CD109: variants seen among roughly 807,000 people sequenced by gnomAD.
CD109 encodes CD109 antigen.
CD109 carries 149 observed loss-of-function variants against 165.8 expected under a neutral mutation model. That is an observed-to-expected ratio of 0.90 (90% CI 0.79 to 1.03). CD109 has a LOEUF of 1.03. Ranked by LOEUF, CD109 falls within the 50% of genes least tolerant of loss-of-function variation. The pLI, the probability that CD109 is intolerant of heterozygous loss-of-function variation, is 0.00. For missense variants in CD109, 1,712 were observed against 1,677.8 expected (o/e 1.02, Z -0.36); for synonymous variants, 585 against 592.1 (o/e 0.99, Z 0.18).
At chr6:73,807,621 T>TA (rs1204239066) in intron 25 of CD109, among the ~76,000 whole-genome samples, 1 of 152,186 alleles carries the variant, frequency 6.6e-6, no homozygotes, top group Non-Finnish European at 1.5e-5. Flanking sequence ...CTTTACTGCT[T>TA]ACTGCCTGCT....
intron 2 of CD109, among the ~76,000 whole-genome samples, chr6:73,709,546 T>C (rs1425929750): frequency 6.6e-6 from 1 of 152,200 alleles, no homozygotes; most frequent in African/African-American, 2.4e-5. Flanking sequence ...AGAAAGTCAT[T>C]GGTAGCTTGA....
rs1562038034 is a variant in CD109, at chr6:73,736,259, G to C, written c.508-124G>C. On this transcript the variant is annotated intron_variant, in intron 4 of 32. Transcript: ENST00000287097. ...CATCCTGCCATCCAGCCATATTTGT[G>C]CCGTATTTTGGAGTAAAGTTCTGGA... The C allele has an allele frequency of 5.5e-6, 5 of 915,132 alleles. No homozygotes were observed. In the East Asian group the frequency reaches 1.1e-4, roughly 20 times the overall value. 56.7% of individuals were successfully genotyped at this position (915,132 alleles called of 1,614,324 possible).
At chr6:73,694,204 C>T (rs760410865), upstream of CD109, 9 of 152,106 alleles carry the variant, frequency 5.9e-5, no homozygotes, top group Non-Finnish European at 1.0e-4. Flanking sequence ...TTCAGTTTTT[C>T]TTAATAAAAA....
Position 73,807,044 on chromosome 6 carries a change from C to T in CD109, c.3161C>T (p.Thr1054Ile). The change falls in exon 25 of 33, where the codon ACT (threonine) becomes ATT (isoleucine). Residue 1054 changes from threonine (T) to isoleucine (I), a missense_variant. Coordinates refer to ENST00000287097, the MANE Select transcript of CD109 (RefSeq NM_133493.5). ...SPVTLTAYIV[T>I]SLLGYRKYQP... ...GTAACACTTACAGCCTATATTGTAA[C>T]TTCTCTCCTGGGATATAGAAAGTAT... 2 of 1,613,084 alleles carry T rather than the reference C, an allele frequency of 1.2e-6. No individual in the cohort carries two copies. The highest frequency in any genetic ancestry group is 2.2e-5 in the South Asian group (2 of 91,036).
At chr6:73,789,186 C>T (rs1430097649) in intron 22 of CD109, among the ~76,000 whole-genome samples, 1 of 152,170 alleles carries the variant, frequency 6.6e-6, no homozygotes, top group African/African-American at 2.4e-5. Flanking sequence ...GTACTCCTCC[C>T]TAGGGCAGTT....
At chr6:73,755,447 C>T (rs2150213103) in intron 5 of CD109, among the ~76,000 whole-genome samples, 1 of 152,210 alleles carries the variant, frequency 6.6e-6, no homozygotes, top group East Asian at 1.9e-4. Context: ...GAACTATGGC[C>T]TTCTTTTAGG....
rs755443358 is a variant in CD109, at chr6:73,696,266, C to A, written c.51C>A (p.Thr17=). 2 of 1,531,602 alleles carry A rather than the reference C, an allele frequency of 1.3e-6. No individual in the cohort carries two copies. The highest frequency in any genetic ancestry group is 2.4e-5 in the South Asian group (2 of 83,588). 94.9% of individuals were successfully genotyped at this position (1,531,602 alleles called of 1,614,324 possible). ...CCGCCCACCTCCTCTGCGTGTGCAC[C>A]GCCGCGCTGGCCGTGGCTCCCGGGT... The part of the protein sequence containing the change: ...LTAAHLLCVC[T]AALAVAPGPR... Residue 17 remains threonine (T), a synonymous_variant, in exon 1 of 33, where the codon ACC becomes ACA. Transcript: ENST00000287097.
At chr6:73,762,085 C>G (rs1773657698) in intron 7 of CD109, among the ~76,000 whole-genome samples, 1 of 152,078 alleles carries the variant, frequency 6.6e-6, no homozygotes, top group African/African-American at 2.4e-5. Flanking sequence ...GCCTCAGCCT[C>G]CAAAGTAGCT....
intron 5 of CD109, among the ~76,000 whole-genome samples, chr6:73,742,469 A>G (rs902801889): frequency 9.8e-5 from 15 of 152,360 alleles, no homozygotes; most frequent in East Asian, 1.9e-4. Context: ...GGGTTCTTTA[A>G]AAGAAAGGCT....
chr6:73,796,224 CACTT>C lies in CD109; in HGVS notation c.2878+3423_2878+3426del, dbSNP rs1349766831. ...ATCTTAGAAAATGTCAAGATCCTGT[CACTT>C]GCTTGCTTATGATCCTGCAGTGGGC... On this transcript the variant is annotated intron_variant, in intron 23 of 32. Coordinates refer to ENST00000287097, the MANE Select transcript of CD109 (RefSeq NM_133493.5). Among the ~76,000 whole-genome samples, 6 of 152,296 alleles carry C rather than the reference CACTT, an allele frequency of 3.9e-5. No homozygotes were observed. The East Asian group carries it at 7.7e-4, about 20-fold the overall frequency.
chr6:73,811,178 A>G (rs760349766), intron 28 of CD109, 31 bp downstream of exon 28: 2 of 1,596,772 alleles, frequency 1.3e-6, no homozygotes, highest in African/African-American at 2.7e-5. Context: ...TTTAAAAATC[A>G]GTGTAGACAA....
At chr6:73,816,528 G>T (rs532477603) in intron 30 of CD109, among the ~76,000 whole-genome samples, 3 of 152,178 alleles carry the variant, frequency 2.0e-5, no homozygotes, top group Non-Finnish European at 4.4e-5. Flanking sequence ...GGGCTTACAG[G>T]CATGAGCCAC....
At position 73,822,966 on chromosome 6, in the gene CD109, G is replaced by A. The variant is rs78267305; in HGVS notation, c.4163-492G>A. On this transcript the variant is annotated intron_variant, in intron 32 of 32. Transcript: ENST00000287097. ...TTCGCTTTTAGATACTATATGCTGA[G>A]TGTTTTAAAACAAGGTATTGCATAG... Among the ~76,000 whole-genome samples, 16 of 152,310 alleles carry A rather than the reference G, an allele frequency of 1.1e-4. No individual in the cohort carries two copies. In the East Asian group the frequency reaches 3.1e-3, roughly 29 times the overall value.
At chr6:73,695,999 G>A (rs886191310), upstream of CD109, 4 of 534,424 alleles carry the variant, frequency 7.5e-6, no homozygotes, top group African/African-American at 2.0e-5. Flanking sequence ...GTTTGCCACA[G>A]CAGCGAGAAG....
intron 5 of CD109, among the ~76,000 whole-genome samples, chr6:73,743,769 A>G (rs1772876442): frequency 6.6e-6 from 1 of 152,250 alleles, no homozygotes; most frequent in African/African-American, 2.4e-5. Context: ...GTCAGAAAAC[A>G]GTGGCATTCT....
chr6:73,766,872 A>G lies in CD109; in HGVS notation c.1434+12A>G. ...ATGAAAATATAAAGGTAATGCTTAC[A>G]ATTCACTTGAGAATTACAATATAAT... On this transcript the variant is annotated intron_variant, in intron 12 of 32. Coordinates refer to ENST00000287097, the MANE Select transcript of CD109 (RefSeq NM_133493.5). 6.2e-7 allele frequency: 1 copy of G among 1,607,084 alleles called. No individual in the cohort carries two copies. The highest frequency in any genetic ancestry group is 8.5e-7 in the Non-Finnish European group (1 of 1,173,954).
rs1771997119 is a variant in CD109, at chr6:73,722,553, C to T, written c.248-698C>T. The stretch of plus-strand genomic sequence containing the variant: ...GAGGAGAGGGACCACATCTGTCTTG[C>T]ACATTGTGCTAGTTTTTACGGGGCC... On this transcript the variant is annotated intron_variant, in intron 2 of 32. Transcript: ENST00000287097. Among the ~76,000 whole-genome samples the T allele has an allele frequency of 2.6e-5, 4 of 152,202 alleles. No individual in the cohort carries two copies. In the South Asian group the frequency reaches 8.3e-4, roughly 31 times the overall value.
Position 73,774,279 on chromosome 6 carries a change from TCTA to T in CD109, c.1827+2699_1827+2701del, listed in dbSNP as rs1216728025. On this transcript the variant is annotated intron_variant, in intron 15 of 32. Coordinates refer to ENST00000287097, the MANE Select transcript of CD109 (RefSeq NM_133493.5). ...TGATTTGGCAGATTCTCTGATAATA[TCTA>T]TTGGTGAAGGCTGAGCATAAGGTTC... Among the ~76,000 whole-genome samples, 4 of 152,238 alleles carry T rather than the reference TCTA, an allele frequency of 2.6e-5. No individual in the cohort carries two copies. In the East Asian group the frequency reaches 7.7e-4, roughly 29 times the overall value.
At chr6:73,709,383 A>G (rs1033033191) in intron 2 of CD109, among the ~76,000 whole-genome samples, 3 of 152,200 alleles carry the variant, frequency 2.0e-5, no homozygotes, top group Non-Finnish European at 2.9e-5. Flanking sequence ...TACCAGTACC[A>G]TGCTGTTTTG....
Sources: allele counts gnomAD v4.1 joint callset (sites outside exome capture counted in the v4.1 genomes callset), GRCh38; gene constraint gnomAD v4.1.1; transcripts MANE v1.5; gene names NCBI Gene and HGNC (gene_info 2026-07-23, HGNC 2026-07-21).